TNIK: variants seen among roughly 807,000 people sequenced by gnomAD.
TNIK encodes TRAF2 and NCK interacting kinase.
In TNIK, 49 loss-of-function variants were observed where a neutral mutation model predicts 191.3. The ratio of observed to expected loss-of-function variants is 0.26; its 90% CI spans 0.20 to 0.32. The LOEUF is 0.32. Ranked by LOEUF, TNIK falls within the 10% of genes least tolerant of loss-of-function variation. The pLI is 1.00. For synonymous variants in TNIK, 594 were observed against 600.9 expected, an observed-to-expected ratio of 0.99 and a Z score of 0.17; for missense variants, 1,155 against 1,702.3, an observed-to-expected ratio of 0.68 and a Z score of 5.66.
At chr3:171,237,114 T>C (rs183632119) in intron 2 of TNIK, among the ~76,000 whole-genome samples, 2 of 152,222 alleles carry the variant, frequency 1.3e-5, no homozygotes, top group African/African-American at 4.8e-5. Flanking sequence ...ACTGGTGTCA[T>C]GAGAAAAAAC....
intron 3 of TNIK, chr3:171,225,655 T>C (rs1333084514): frequency 4.4e-6 from 2 of 455,324 alleles, no homozygotes; most frequent in African/African-American, 4.0e-5. Context: ...TGAAAATACA[T>C]GTTCTGGGAA....
chr3:171,458,456 G>A (rs1467088548), intron 1 of TNIK, among the ~76,000 whole-genome samples: 1 of 152,094 alleles, frequency 6.6e-6, no homozygotes, highest in African/African-American at 2.4e-5. Flanking sequence ...CATTTCAAAC[G>A]GCATCTCTGT....
At chr3:171,444,066 C>T (rs2108700329) in intron 1 of TNIK, among the ~76,000 whole-genome samples, 1 of 152,228 alleles carries the variant, frequency 6.6e-6, no homozygotes, top group African/African-American at 2.4e-5. Context: ...GCATTTTCCC[C>T]AGCAATGAGT....
rs192164711 is a variant in TNIK, at chr3:171,405,498, C to T, written c.58-35813G>A. 1.7e-3 allele frequency among the ~76,000 whole-genome samples: 188 copies of T among 113,500 alleles called. 1 individual carries two copies. The highest frequency in any genetic ancestry group is 2.8e-3 in the South Asian group (9 of 3,158). 74.5% of individuals were successfully genotyped at this position (113,500 alleles called of 152,430 possible). Reference sequence around the variant, plus strand: ...GTGGAAACAAGACAACTCTCAATCACCAAATCTGGTAAAAAAAAAAAAATC... The same window carrying T: ...GTGGAAACAAGACAACTCTCAATCATCAAATCTGGTAAAAAAAAAAAAATC... On this transcript the variant is annotated intron_variant, in intron 1 of 32. Coordinates refer to ENST00000436636, the MANE Select transcript of TNIK (RefSeq NM_015028.4).
intron 2 of TNIK, among the ~76,000 whole-genome samples, chr3:171,302,119 G>A (rs151082990): frequency 1.4e-3 from 211 of 152,248 alleles, no homozygotes; most frequent in African/African-American, 3.8e-3. Context: ...GGAGGGGAGT[G>A]GGGGTGAAAA....
chr3:171,383,171 C>T (rs1392375726), intron 1 of TNIK, among the ~76,000 whole-genome samples: 1 of 152,138 alleles, frequency 6.6e-6, no homozygotes, highest in Non-Finnish European at 1.5e-5. Context: ...AAAATCCCTT[C>T]CAAAGCTGGC....
At chr3:171,316,839 T>C (rs1259054663) in intron 2 of TNIK, among the ~76,000 whole-genome samples, 1 of 151,462 alleles carries the variant, frequency 6.6e-6, no homozygotes, top group Non-Finnish European at 1.5e-5. Context: ...ATGCAACTAC[T>C]ATTTACTTGA....
intron 2 of TNIK, among the ~76,000 whole-genome samples, chr3:171,293,475 T>C (rs1751917437): frequency 6.6e-6 from 1 of 152,212 alleles, no homozygotes. Context: ...CACATAACTA[T>C]GGGGAAATTA....
rs776167445 is a variant in TNIK, at chr3:171,084,332, G to A, written c.2999-7C>T. 30 of 1,606,282 alleles carry A rather than the reference G, an allele frequency of 1.9e-5. No individual in the cohort carries two copies. Among genetic ancestry groups the A allele is most frequent in the Non-Finnish European group, 2.5e-5 (29 of 1,174,768 alleles). ...AGTTCGCTAGTAAACAGAGCTTTGAGAAAAAGAATCAGAGAAGTCAGTGAC... is the reference window on the plus strand; with the variant it reads ...AGTTCGCTAGTAAACAGAGCTTTGAAAAAAAGAATCAGAGAAGTCAGTGAC... On this transcript the variant is annotated splice_region_variant and splice_polypyrimidine_tract_variant and intron_variant, in intron 25 of 32. Coordinates refer to ENST00000436636, the MANE Select transcript of TNIK (RefSeq NM_015028.4).
rs79582518 is a variant in TNIK at position 171,354,897 on chromosome 3, T to C, written c.123+14723A>G. Among the ~76,000 whole-genome samples the C allele has an allele frequency of 6.9e-3, 1,050 of 152,314 alleles. 17 individuals carry two copies. Among genetic ancestry groups the C allele is most frequent in the African/African-American group, 0.024 (1,007 of 41,586 alleles). ...GGTAGCCATAAATCTCCTATGCTTC[T>C]AGACTAGAAAACAATACTCAAAGAG... On this transcript the variant is annotated intron_variant, in intron 2 of 32. Transcript: ENST00000436636.
At chr3:171,312,511 C>T (rs1754150415) in intron 2 of TNIK, among the ~76,000 whole-genome samples, 1 of 152,004 alleles carries the variant, frequency 6.6e-6, no homozygotes, top group Non-Finnish European at 1.5e-5. Context: ...CCACACAAAC[C>T]ACTTTGGATG....
chr3:171,196,591 A>G (rs1044999955), intron 4 of TNIK, among the ~76,000 whole-genome samples: 9 of 152,172 alleles, frequency 5.9e-5, no homozygotes, highest in African/African-American at 1.9e-4. Context: ...GCAAGGGAGA[A>G]AAAAAGAGAC....
intron 2 of TNIK, among the ~76,000 whole-genome samples, chr3:171,345,918 A>G (rs536664590): frequency 6.6e-6 from 1 of 152,270 alleles, no homozygotes; most frequent in South Asian, 2.1e-4. Flanking sequence ...AAGAGACTGA[A>G]GTGAACAAAT....
intron 1 of TNIK, among the ~76,000 whole-genome samples, chr3:171,443,145 C>G (rs568096296): frequency 1.3e-5 from 2 of 152,276 alleles, no homozygotes; most frequent in African/African-American, 4.8e-5. Context: ...TTAAAGAAGA[C>G]AGAAGAAGCA....
chr3:171,137,509 TTTTG>T (rs1465318288), intron 15 of TNIK, among the ~76,000 whole-genome samples: 1 of 152,200 alleles, frequency 6.6e-6, no homozygotes, highest in Admixed American at 6.5e-5. Flanking sequence ...GTTGGGGTTA[TTTTG>T]TTTGTTTGCT....
At chr3:171,127,341 A>G (rs1243013939) in intron 16 of TNIK, among the ~76,000 whole-genome samples, 1 of 152,116 alleles carries the variant, frequency 6.6e-6, no homozygotes, top group Non-Finnish European at 1.5e-5. Context: ...TTAATGTTAA[A>G]TATCATTAAA....
intron 2 of TNIK, among the ~76,000 whole-genome samples, chr3:171,270,585 A>T (rs1481944715): frequency 6.6e-6 from 1 of 152,088 alleles, no homozygotes; most frequent in Non-Finnish European, 1.5e-5. Context: ...ATCTTTCTCA[A>T]ATTCTCCTTA....
intron 16 of TNIK, among the ~76,000 whole-genome samples, chr3:171,127,381 T>TA (rs1030990922): frequency 4.6e-5 from 7 of 151,486 alleles, no homozygotes; most frequent in African/African-American, 1.2e-4. Flanking sequence ...AAAGCCCATT[T>TA]AAAAAAATAT....
At chr3:171,258,259 C>T (rs1747137510) in intron 2 of TNIK, among the ~76,000 whole-genome samples, 1 of 152,152 alleles carries the variant, frequency 6.6e-6, no homozygotes, top group Non-Finnish European at 1.5e-5. Flanking sequence ...TCTAGAACTC[C>T]TACCACTGTG....
Sources: allele counts gnomAD v4.1 joint callset (sites outside exome capture counted in the v4.1 genomes callset), GRCh38; gene constraint gnomAD v4.1.1; transcripts MANE v1.5; gene names NCBI Gene and HGNC (gene_info 2026-07-23, HGNC 2026-07-21).